TP73: variants seen among roughly 807,000 people sequenced by gnomAD.
The protein encoded by TP73 is tumor protein p73, also known as p53-like transcription factor.
A neutral mutation model predicts 62.5 loss-of-function variants in TP73; 25 were observed. That is an observed-to-expected ratio of 0.40 (90% CI 0.29 to 0.56). TP73 has a LOEUF of 0.56. Ranked by LOEUF, TP73 falls within the 20% of genes least tolerant of loss-of-function variation. The pLI is 0.46. For missense variants in TP73, 754 were observed against 913.3 expected (o/e 0.83, Z 2.25); for synonymous variants, 423 against 377.5 (o/e 1.12, Z -1.40).
chr1:3,691,781 GC>G (rs1645839604), intron 3 of TP73, among the ~76,000 whole-genome samples: 1 of 152,216 alleles, frequency 6.6e-6, no homozygotes, highest in Non-Finnish European at 1.5e-5. Flanking sequence ...GGGAAACTCA[GC>G]CATGGGCAGG....
chr1:3,711,173 T>C (rs896334742), intron 4 of TP73, among the ~76,000 whole-genome samples: 6 of 152,236 alleles, frequency 3.9e-5, no homozygotes, highest in African/African-American at 1.4e-4. Flanking sequence ...ACAAAGGAGC[T>C]GGCTCTTGGG....
At chr1:3,653,315 G>T (rs1644798844) in intron 1 of TP73, among the ~76,000 whole-genome samples, 1 of 152,220 alleles carries the variant, frequency 6.6e-6, no homozygotes, top group Admixed American at 6.5e-5. Flanking sequence ...GCCCGGGCCG[G>T]CCTGGAGGGA....
Position 3,730,090 on chromosome 1 carries a change from G to A in TP73, c.1287G>A (p.Gln429=), listed in dbSNP as rs146635545. 8.7e-5 allele frequency: 139 copies of A among 1,593,506 alleles called. 1 individual carries two copies. Among genetic ancestry groups the A allele is most frequent in the Non-Finnish European group, 1.8e-5 (21 of 1,170,976 alleles). The part of the protein sequence containing the change: ...GGMNKLPSVN[Q]LVGQPPPHSS... ...TGAACAAGCTGCCCTCCGTCAACCAGCTGGTGGGCCAGCCTCCCCCGCACA... is the reference window on the plus strand; with the variant it reads ...TGAACAAGCTGCCCTCCGTCAACCAACTGGTGGGCCAGCCTCCCCCGCACA... Residue 429 remains glutamine, a synonymous_variant, in exon 11 of 14, where the codon CAG becomes CAA. Transcript: ENST00000378295.
Position 3,731,450 on chromosome 1 carries a change from ATT to A in TP73, c.1485-12_1485-11del. On this transcript the variant is annotated splice_polypyrimidine_tract_variant and intron_variant, in intron 12 of 13. Transcript: ENST00000378295. ...AAGCTAATGCTGCTTCCTTTCTCAA[ATT>A]CTCTCTGCAGTTTTTTAACAGGATT... The A allele has an allele frequency of 6.2e-7, 1 of 1,612,750 alleles. No individual in the cohort carries two copies. The highest frequency in any genetic ancestry group is 8.5e-7 in the Non-Finnish European group (1 of 1,179,418).
In TP73 at chr1:3,696,541, A is replaced by G. The variant is rs1197445053; in HGVS notation, c.187-11008A>G. Among the ~76,000 whole-genome samples the G allele has an allele frequency of 6.6e-6, 1 of 151,702 alleles. No individual in the cohort carries two copies. ...CACTGGGCACTACGACATCCGAGAC[A>G]CCAAGCAGAGGGGGAGATGCAGAGG... On this transcript the variant is annotated intron_variant, in intron 3 of 13. Transcript: ENST00000378295. The surrounding 1 kb of genome is among the most constrained non-coding windows in gnomAD (Gnocchi z 4.1).
rs56289593 is a variant in TP73 at position 3,665,561 on chromosome 1, C to A, written c.-34+12920C>A. Among the ~76,000 whole-genome samples, 516 of 152,116 alleles carry A rather than the reference C, an allele frequency of 3.4e-3. 1 individual carries two copies. The highest frequency in any genetic ancestry group is 0.012 in the African/African-American group (491 of 41,498). Reference sequence around the variant, plus strand: ...ATTTATGCAAAACAGAACTTTAAAACCGGAAGGACTTGATATGAGTGGGGT... The same window carrying A: ...ATTTATGCAAAACAGAACTTTAAAAACGGAAGGACTTGATATGAGTGGGGT... On this transcript the variant is annotated intron_variant, in intron 1 of 13. Transcript: ENST00000378295.
In TP73 at chr1:3,696,631, G is replaced by C. The variant is rs933374751; in HGVS notation, c.187-10918G>C. On this transcript the variant is annotated intron_variant, in intron 3 of 13. Transcript: ENST00000378295. The surrounding 1 kb of genome is among the most constrained non-coding windows in gnomAD (Gnocchi z 4.1). ...GAGAACAGAAAAGGGACTGGGGCTT[G>C]GCAACCCAGAGGCTGCTGAGTTCCC... Among the ~76,000 whole-genome samples, 1 of 152,010 alleles carries C rather than the reference G, an allele frequency of 6.6e-6. No homozygotes were observed.
intron 1 of TP73, chr1:3,658,860 A>C (rs1333043556): frequency 6.7e-6 from 1 of 150,118 alleles, no homozygotes; most frequent in African/African-American, 2.4e-5. Flanking sequence ...AGTCTCCTAC[A>C]GTCATATTTA....
In TP73 at chr1:3,699,321, C is replaced by T. The variant is rs1638957623; in HGVS notation, c.187-8228C>T. On this transcript the variant is annotated intron_variant, in intron 3 of 13. Transcript: ENST00000378295. This position sits in a 1 kb window ranked among gnomAD's most constrained non-coding sequence, Gnocchi z 4.1. Reference sequence around the variant, plus strand: ...CCTGGGTGAGGTTGGGGCCCAAGTTCAGACATGCCCACGAGAGATCAGGGA... The same window carrying T: ...CCTGGGTGAGGTTGGGGCCCAAGTTTAGACATGCCCACGAGAGATCAGGGA... Among the ~76,000 whole-genome samples, 1 of 152,174 alleles carries T rather than the reference C, an allele frequency of 6.6e-6. No individual in the cohort carries two copies.
At chr1:3,657,755 G>A (rs79789491) in intron 1 of TP73, among the ~76,000 whole-genome samples, 6,806 of 152,176 alleles carry the variant, frequency 0.045, 305 homozygotes, top group East Asian at 0.23. Flanking sequence ...GGGCACAGCC[G>A]GGGATGGGCA....
chr1:3,653,451 T>C (rs866821394), intron 1 of TP73, among the ~76,000 whole-genome samples: 2 of 152,212 alleles, frequency 1.3e-5, no homozygotes, highest in Non-Finnish European at 2.9e-5. Context: ...CGCTAGGAGA[T>C]AAGCCCATGT....
rs974558596 is a variant in TP73 at position 3,712,631 on chromosome 1, G to A, written c.429+4840G>A. 6.6e-5 allele frequency among the ~76,000 whole-genome samples: 10 copies of A among 152,176 alleles called. 1 individual carries two copies. Among genetic ancestry groups the A allele is most frequent in the Admixed American group, 3.9e-4 (6 of 15,282 alleles). ...GGGGGAGAGGCATGATCCAATTTAC[G>A]TTTTAGGAAGAATCATCTATTTTCT... On this transcript the variant is annotated intron_variant, in intron 4 of 13. Transcript: ENST00000378295.
rs1390391191 is a variant in TP73 at position 3,727,368 on chromosome 1, C to G, written c.842+144C>G. On this transcript the variant is annotated intron_variant, in intron 7 of 13. Coordinates refer to ENST00000378295, the MANE Select transcript of TP73 (RefSeq NM_005427.4). ...GTGTGCTGCTGGAGGAAGGAACCGC[C>G]CCCTGGCCTGCAGGGCCTGCCTGGG... The G allele has an allele frequency of 3.1e-6, 3 of 982,226 alleles. No homozygotes were observed. The African/African-American group carries it at 4.9e-5, about 16-fold the overall frequency. 60.8% of individuals were successfully genotyped at this position (982,226 alleles called of 1,614,324 possible). A position where few individuals can be genotyped will look rare whatever the true frequency, so the allele number is the denominator to read the frequency against.
rs1645017878 is a variant in TP73, at chr1:3,662,479, A to C, written c.-34+9838A>C. Reference sequence around the variant, plus strand: ...AGCAGGGGAGTTGACTGGTGAATGAAGGTGGTTTCGTCACGCGGACATGCG... The same window carrying C: ...AGCAGGGGAGTTGACTGGTGAATGACGGTGGTTTCGTCACGCGGACATGCG... On this transcript the variant is annotated intron_variant, in intron 1 of 13. Transcript: ENST00000378295. This position sits in a 1 kb window ranked among gnomAD's most constrained non-coding sequence, Gnocchi z 4.4. Among the ~76,000 whole-genome samples the C allele has an allele frequency of 1.3e-5, 2 of 152,160 alleles. No homozygotes were observed. Among genetic ancestry groups the C allele is most frequent in the Admixed American group, 6.5e-5 (1 of 15,278 alleles).
chr1:3,726,850 T>C (rs555697753), intron 6 of TP73, among the ~76,000 whole-genome samples: 1 of 141,304 alleles, frequency 7.1e-6, no homozygotes, highest in Non-Finnish European at 1.5e-5. Flanking sequence ...GGTGGATGGA[T>C]GGGGTTGGTG....
intron 4 of TP73, among the ~76,000 whole-genome samples, chr1:3,712,607 G>T (rs933856835): frequency 6.6e-6 from 1 of 152,198 alleles, no homozygotes; most frequent in African/African-American, 2.4e-5. Context: ...GAGACTGTTG[G>T]GGGAGAGGCA....
rs1308329162 is a variant in TP73, at chr1:3,672,065, G to A, written c.-33-10268G>A. On this transcript the variant is annotated intron_variant, in intron 1 of 13. Coordinates refer to ENST00000378295, the MANE Select transcript of TP73 (RefSeq NM_005427.4). The surrounding 1 kb of genome is among the most constrained non-coding windows in gnomAD (Gnocchi z 5.3). ...AGGGCACGTCTGCTCAGACCGCAGGGTAGGGAGTGGTCAGCAGGGAGACAT... is the reference window on the plus strand; with the variant it reads ...AGGGCACGTCTGCTCAGACCGCAGGATAGGGAGTGGTCAGCAGGGAGACAT... Among the ~76,000 whole-genome samples, 1 of 152,148 alleles carries A rather than the reference G, an allele frequency of 6.6e-6. No individual in the cohort carries two copies.
chr1:3,658,655 AAG>A (rs369283086), intron 1 of TP73, among the ~76,000 whole-genome samples: 85 of 152,380 alleles, frequency 5.6e-4, no homozygotes, highest in African/African-American at 1.9e-3. Flanking sequence ...TTCTTTAGAA[AAG>A]AGAGTTTTTT....
At chr1:3,689,813 G>A (rs1261093294) in intron 3 of TP73, among the ~76,000 whole-genome samples, 3 of 152,154 alleles carry the variant, frequency 2.0e-5, no homozygotes, top group Non-Finnish European at 4.4e-5. Context: ...GACTGGAAGT[G>A]TGGGTCCGCA....
Sources: gnomAD v4.1 joint callset for allele counts (sites outside exome capture counted in the v4.1 genomes callset) on GRCh38, gnomAD v4.1.1 for gene constraint, Gnocchi (gnomAD v3.1) non-coding constraint, MANE v1.5 for transcripts, NCBI Gene and HGNC (gene_info 2026-07-23, HGNC 2026-07-21) for gene names.